The following ELMO1 variants were observed in gnomAD, a reference collection of about 807,000 sequenced individuals.
ELMO1 encodes the protein engulfment and cell motility 1, also known as engulfment and cell motility protein 1.
ELMO1 carries 26 observed loss-of-function variants against 98.9 expected under a neutral mutation model. The ratio of observed to expected loss-of-function variants is 0.26; its 90% CI spans 0.19 to 0.36. ELMO1 has a LOEUF of 0.36. Ranked by LOEUF, ELMO1 falls within the 10% of genes least tolerant of loss-of-function variation. The probability of loss-of-function intolerance (pLI) is 1.00; values close to 1 mark genes in which losing one functional copy is unlikely to be tolerated. For synonymous variants in ELMO1, 346 were observed against 346.0 expected (o/e 1.00, Z 0.00); for missense variants, 627 against 935.2 (o/e 0.67, Z 4.30).
chr7:36,926,573 A>G (rs1785595363), intron 16 of ELMO1, among the ~76,000 whole-genome samples: 1 of 152,148 alleles, frequency 6.6e-6, no homozygotes, highest in African/African-American at 2.4e-5. Flanking sequence ...ACTTAAACCC[A>G]TATGACTGAA....
At chr7:37,100,980 G>A (rs971591578) in intron 14 of ELMO1, among the ~76,000 whole-genome samples, 56 of 152,244 alleles carry the variant, frequency 3.7e-4, no homozygotes, top group African/African-American at 1.3e-3. Flanking sequence ...CAAAGGCAAA[G>A]TCCCTAAAAC....
chr7:36,956,124 G>A (rs1193782012), intron 16 of ELMO1, among the ~76,000 whole-genome samples: 1 of 152,128 alleles, frequency 6.6e-6, no homozygotes, highest in Non-Finnish European at 1.5e-5. Context: ...GCCTTTTCTT[G>A]TCTAGGGTGT....
At chr7:37,378,453 C>T (rs1802448005) in intron 1 of ELMO1, among the ~76,000 whole-genome samples, 1 of 152,058 alleles carries the variant, frequency 6.6e-6, no homozygotes, top group Admixed American at 6.5e-5. Context: ...AAAGAATGTC[C>T]AGAAAACTGA....
At chr7:37,332,491 C>CA (rs1303850580) in intron 2 of ELMO1, among the ~76,000 whole-genome samples, 2 of 152,232 alleles carry the variant, frequency 1.3e-5, no homozygotes, top group East Asian at 3.8e-4. Context: ...CAAGCACCCT[C>CA]ATCCGGTCTG....
At chr7:37,065,615 CTT>C (rs1353995030) in intron 15 of ELMO1, among the ~76,000 whole-genome samples, 1 of 152,186 alleles carries the variant, frequency 6.6e-6, no homozygotes, top group Non-Finnish European at 1.5e-5. Context: ...TCCAAATTCT[CTT>C]GAGACAATCT....
chr7:37,094,338 G>T (rs898309779), intron 15 of ELMO1, among the ~76,000 whole-genome samples: 1 of 152,144 alleles, frequency 6.6e-6, no homozygotes, highest in Non-Finnish European at 1.5e-5. Flanking sequence ...AGGGACCTGC[G>T]AGGTGTTTGC....
At position 36,861,644 on chromosome 7, in the gene ELMO1, C is replaced by T. The variant is rs774764566; in HGVS notation, c.1983+15G>A. On this transcript the variant is annotated intron_variant, in intron 21 of 21. Transcript: ENST00000310758. ...ATAACATTATCTCATAAATTATCAC[C>T]CCCGAGACCCTTACCTCATGCTTGT... 1.2e-5 allele frequency: 20 copies of T among 1,609,086 alleles called. No homozygotes were observed. The highest frequency in any genetic ancestry group is 1.7e-5 in the Non-Finnish European group (20 of 1,177,212).
intron 5 of ELMO1, 21 bp downstream of exon 5, chr7:37,271,804 TGGAAGTC>T (rs1562571018): frequency 1.2e-6 from 2 of 1,610,470 alleles, no homozygotes; most frequent in Admixed American, 3.4e-5. Context: ...AAGAGTTTGC[TGGAAGTC>T]AGAAGCTAAG....
At position 36,855,626 on chromosome 7, in the gene ELMO1, G is replaced by A; in HGVS notation, c.2109C>T (p.Asn703=). 1.2e-6 allele frequency: 2 copies of A among 1,614,174 alleles called. No individual in the cohort carries two copies. The highest frequency in any genetic ancestry group is 1.1e-5 in the South Asian group (1 of 91,086). Residue 703 remains asparagine (N), a synonymous_variant, in exon 22 of 22, where the codon AAC becomes AAT. Transcript: ENST00000310758. The surrounding 1 kb of genome is among the most constrained non-coding windows in gnomAD (Gnocchi z 4.2). The part of the protein sequence containing the change: ...EIKLRLLDLE[N]IQIPDAPPPI... ...GCGGAGGTGCGTCAGGGATCTGGAT[G>A]TTTTCCAGGTCCAGGAGGCGGAGCT...
At chr7:37,071,755 C>T (rs1322092371) in intron 15 of ELMO1, among the ~76,000 whole-genome samples, 1 of 152,138 alleles carries the variant, frequency 6.6e-6, no homozygotes, top group Non-Finnish European at 1.5e-5. Flanking sequence ...TATCATCCCC[C>T]AGGCTCTTTA....
intron 2 of ELMO1, among the ~76,000 whole-genome samples, chr7:37,331,124 G>A (rs1160439003): frequency 6.6e-6 from 1 of 151,358 alleles, no homozygotes; most frequent in Non-Finnish European, 1.5e-5. Context: ...TCAGACTGTA[G>A]TTGGTTGGGG....
chr7:36,933,896 C>G (rs1786271392), intron 16 of ELMO1, among the ~76,000 whole-genome samples: 1 of 152,240 alleles, frequency 6.6e-6, no homozygotes, highest in African/African-American at 2.4e-5. Flanking sequence ...CCCGTCCCAT[C>G]TGAATGACAA....
chr7:37,413,308 G>T (rs1043619711), intron 1 of ELMO1, among the ~76,000 whole-genome samples: 1 of 151,982 alleles, frequency 6.6e-6, no homozygotes, highest in Non-Finnish European at 1.5e-5. Flanking sequence ...TCCAAGCCTA[G>T]CTTTCCTCTT....
chr7:36,928,480 G>A (rs1785758820), intron 16 of ELMO1, among the ~76,000 whole-genome samples: 1 of 152,202 alleles, frequency 6.6e-6, no homozygotes, highest in Admixed American at 6.5e-5. Flanking sequence ...TTTGAAAAGT[G>A]AAGTCTCTGA....
chr7:36,895,084 G>T, intron 16 of ELMO1, 67 bp from the exon 17 acceptor site: 2 of 1,579,244 alleles, frequency 1.3e-6, no homozygotes, highest in Non-Finnish European at 1.7e-6. Context: ...AAGTCTTTCC[G>T]AGTTAAGGGC....
chr7:37,256,489 TAGGAGGGAGGG>T (rs1270224099), intron 6 of ELMO1, among the ~76,000 whole-genome samples: 2 of 138,776 alleles, frequency 1.4e-5, no homozygotes, highest in Non-Finnish European at 3.1e-5. Context: ...ATGCCAAGTG[TAGGAGGGAGGG>T]AGGATGGAGG....
intron 15 of ELMO1, among the ~76,000 whole-genome samples, chr7:37,084,928 T>G (rs1159423032): frequency 6.6e-6 from 1 of 152,010 alleles, no homozygotes; most frequent in African/African-American, 2.4e-5. Context: ...GGCTAATTTT[T>G]GTATTTTAGT....
At chr7:37,035,171 T>G (rs6965702) in intron 15 of ELMO1, among the ~76,000 whole-genome samples, 34,593 of 152,170 alleles carry the variant, frequency 0.23, 4,865 homozygotes, top group African/African-American at 0.4. Context: ...TTAATGATTT[T>G]CTTAATGGCG....
At chr7:36,989,161 T>C (rs180755968) in intron 16 of ELMO1, among the ~76,000 whole-genome samples, 94 of 152,308 alleles carry the variant, frequency 6.2e-4, no homozygotes, top group African/African-American at 2.1e-3. Flanking sequence ...TTTGTCTAGA[T>C]TAACCAATTT....
Sources: allele counts gnomAD v4.1 joint callset (sites outside exome capture counted in the v4.1 genomes callset), GRCh38; gene constraint gnomAD v4.1.1; non-coding constraint Gnocchi (gnomAD v3.1); transcripts MANE v1.5; gene names NCBI Gene and HGNC (gene_info 2026-07-23, HGNC 2026-07-21).